Variants in UGT1A7 observed in about 807,000 individuals in gnomAD.
The protein encoded by UGT1A7 is UDP-glucuronosyltransferase 1A7.
UGT1A7 carries 33 observed loss-of-function variants against 45.6 expected under a neutral mutation model. The ratio of observed to expected loss-of-function variants is 0.72; its 90% CI spans 0.55 to 0.97. UGT1A7 has a LOEUF of 0.97. Ranked by LOEUF, UGT1A7 falls within the 50% of genes least tolerant of loss-of-function variation. The pLI, the probability that UGT1A7 is intolerant of heterozygous loss-of-function variation, is 0.00. For synonymous variants in UGT1A7, 274 were observed against 250.6 expected (o/e 1.09, Z -0.88); for missense variants, 684 against 666.2 (o/e 1.03, Z -0.29).
At chr2:233,772,125 C>T in intron 4 of UGT1A7, 137 bp from the exon 5 acceptor site, 1 of 1,536,166 alleles carries the variant, frequency 6.5e-7, no homozygotes, top group South Asian at 1.2e-5. Flanking sequence ...AAAACAACAA[C>T]AACAACAATA....
At chr2:233,759,581 G>A (rs1697180205) in intron 1 of UGT1A7, among the ~76,000 whole-genome samples, 2 of 151,312 alleles carry the variant, frequency 1.3e-5, no homozygotes, top group Admixed American at 6.6e-5. Context: ...CTCTACCCCA[G>A]CACGCCCCCC....
intron 1 of UGT1A7, among the ~76,000 whole-genome samples, chr2:233,766,795 T>C (rs1485406690): frequency 1.3e-5 from 2 of 152,194 alleles, no homozygotes; most frequent in African/African-American, 4.8e-5. Flanking sequence ...AACTAGCACA[T>C]TACCTGGATT....
At chr2:233,729,965 A>T (rs149856651) in intron 1 of UGT1A7, 3 of 1,613,950 alleles carry the variant, frequency 1.9e-6, no homozygotes, top group Non-Finnish European at 2.5e-6. Context: ...GGGGGCATCA[A>T]CTGTGCCAAC....
At chr2:233,706,032 T>G (rs887467227) in intron 1 of UGT1A7, among the ~76,000 whole-genome samples, 4 of 152,014 alleles carry the variant, frequency 2.6e-5, no homozygotes, top group African/African-American at 4.8e-5. Flanking sequence ...GAGGCAGAGG[T>G]TGCAGTGAGC....
chr2:233,704,715 G>T (rs973511886), intron 1 of UGT1A7, among the ~76,000 whole-genome samples: 5 of 152,008 alleles, frequency 3.3e-5, no homozygotes, highest in African/African-American at 1.2e-4. Flanking sequence ...AGCCCAATTT[G>T]CCTTTGCTCC....
At chr2:233,706,455 T>A (rs1417577264) in intron 1 of UGT1A7, among the ~76,000 whole-genome samples, 1 of 152,244 alleles carries the variant, frequency 6.6e-6, no homozygotes, top group East Asian at 1.9e-4. Context: ...AAATGACCAT[T>A]GAGGTTTCAC....
intron 1 of UGT1A7, among the ~76,000 whole-genome samples, chr2:233,703,618 A>G (rs1261282473): frequency 1.3e-5 from 2 of 151,894 alleles, no homozygotes; most frequent in Non-Finnish European, 2.9e-5. Flanking sequence ...AAAAAAGTCT[A>G]TTTTATCTGA....
At chr2:233,753,258 G>C (rs935441896) in intron 1 of UGT1A7, 1 of 152,170 alleles carries the variant, frequency 6.6e-6, no homozygotes. Context: ...CAACTACCCA[G>C]GCACCTTGGA....
intron 1 of UGT1A7, among the ~76,000 whole-genome samples, chr2:233,694,084 TAGG>T (rs751212149): frequency 1.3e-5 from 2 of 151,696 alleles, no homozygotes; most frequent in Non-Finnish European, 2.9e-5. Flanking sequence ...TTGGCAAGAG[TAGG>T]AGATTTGCTT....
At chr2:233,682,942 T>C in intron 1 of UGT1A7, 150 bp downstream of exon 1, 2 of 1,422,272 alleles carry the variant, frequency 1.4e-6, no homozygotes, top group Non-Finnish European at 1.9e-6. Context: ...CACTTAATTG[T>C]TGGGTAGCAA....
chr2:233,692,675 G>C (rs932907325), intron 1 of UGT1A7, among the ~76,000 whole-genome samples: 1 of 152,174 alleles, frequency 6.6e-6, no homozygotes, highest in African/African-American at 2.4e-5. Context: ...TAGAGAATTG[G>C]CAGGGGGTCC....
chr2:233,747,319 AT>A, intron 1 of UGT1A7: 1 of 1,603,764 alleles, frequency 6.2e-7, no homozygotes, highest in Non-Finnish European at 8.5e-7. Flanking sequence ...GGTGGTACCC[AT>A]TGATGGCAGC....
At chr2:233,761,199 A>C in intron 1 of UGT1A7, 1 of 1,614,054 alleles carries the variant, frequency 6.2e-7, no homozygotes, top group Non-Finnish European at 8.5e-7. Flanking sequence ...TTTCAGATGT[A>C]TTACTTTGGA....
chr2:233,721,160 T>G (rs1327409494), intron 1 of UGT1A7, among the ~76,000 whole-genome samples: 1 of 152,228 alleles, frequency 6.6e-6, no homozygotes. Context: ...CACTAAACTT[T>G]ATTTTTGTTT....
Position 233,682,372 on chromosome 2 carries a change from G to A in UGT1A7, c.435G>A (p.Val145=), listed in dbSNP as rs375461567. ...TAAAGGAGAGTTGTTTTGATGCAGT[G>A]TTTCTCGATCCTTTTGATGCCTGTG... ...EYLKESCFDA[V]FLDPFDACGL... The change falls in exon 1 of 5, where the codon GTG becomes GTA. Residue 145 remains valine, a synonymous_variant. Coordinates refer to ENST00000373426, the MANE Select transcript of UGT1A7 (RefSeq NM_019077.3). 1 of 1,614,042 alleles carries A rather than the reference G, an allele frequency of 6.2e-7. No individual in the cohort carries two copies. The highest frequency in any genetic ancestry group is 8.5e-7 in the Non-Finnish European group (1 of 1,179,940).
At chr2:233,702,439 G>A (rs1026560419) in intron 1 of UGT1A7, among the ~76,000 whole-genome samples, 9 of 151,954 alleles carry the variant, frequency 5.9e-5, no homozygotes, top group African/African-American at 1.9e-4. Flanking sequence ...TTTCTAATAA[G>A]GATAACATTT....
chr2:233,709,908 T>TA (rs1575491897), intron 1 of UGT1A7, among the ~76,000 whole-genome samples: 1 of 152,210 alleles, frequency 6.6e-6, no homozygotes, highest in Non-Finnish European at 1.5e-5. Context: ...AGTCACCTAA[T>TA]ACCTCCCCTC....
chr2:233,719,647 T>A, intron 1 of UGT1A7: 2 of 1,614,094 alleles, frequency 1.2e-6, no homozygotes, highest in South Asian at 2.2e-5. Flanking sequence ...ATGGTCTTCA[T>A]TGGGGGCATC....
chr2:233,705,851 G>A (rs1384426645), intron 1 of UGT1A7, among the ~76,000 whole-genome samples: 1 of 152,174 alleles, frequency 6.6e-6, no homozygotes, highest in Non-Finnish European at 1.5e-5. Context: ...GAAGTGGGAA[G>A]CTGAGGCAGG....
Sources: allele counts gnomAD v4.1 joint callset (sites outside exome capture counted in the v4.1 genomes callset), GRCh38; gene constraint gnomAD v4.1.1; transcripts MANE v1.5; gene names NCBI Gene and HGNC (gene_info 2026-07-23, HGNC 2026-07-21).